SORCS1: variants seen among roughly 807,000 people sequenced by gnomAD.
SORCS1 encodes sortilin related VPS10 domain containing receptor 1.
In SORCS1, 60 loss-of-function variants were observed where a neutral mutation model predicts 146.1. The observed-to-expected ratio is 0.41, with a 90% CI of 0.33 to 0.51. The LOEUF is 0.51. Among genes scored for constraint, SORCS1 ranks in the 20% least tolerant of loss-of-function variants. The pLI is 0.21. For synonymous variants in SORCS1, 637 were observed against 584.0 expected (o/e 1.09, Z -1.31); for missense variants, 1,352 against 1,487.6 (o/e 0.91, Z 1.50).
intron 9 of SORCS1, among the ~76,000 whole-genome samples, chr10:106,689,524 A>G (rs1247077832): frequency 1.3e-5 from 2 of 152,184 alleles, no homozygotes; most frequent in South Asian, 2.1e-4. Flanking sequence ...TAGCAAGCCT[A>G]TTTGAACCTA....
intron 18 of SORCS1, among the ~76,000 whole-genome samples, chr10:106,638,642 G>A (rs889990220): frequency 1.3e-5 from 2 of 152,008 alleles, no homozygotes; most frequent in African/African-American, 4.8e-5. Flanking sequence ...ATCACTTGGT[G>A]GTCTTCACCA....
At chr10:107,000,212 A>G (rs911337822) in intron 1 of SORCS1, among the ~76,000 whole-genome samples, 14 of 152,216 alleles carry the variant, frequency 9.2e-5, no homozygotes, top group African/African-American at 3.4e-4. Flanking sequence ...TCTGTGTGCA[A>G]TGCACACCCA....
At chr10:106,606,221 A>G (rs1846563673) in intron 23 of SORCS1, among the ~76,000 whole-genome samples, 1 of 149,644 alleles carries the variant, frequency 6.7e-6, no homozygotes, top group Non-Finnish European at 1.5e-5. Context: ...GGAAGAAAAA[A>G]GAAGACTAAA....
At position 106,791,916 on chromosome 10, in the gene SORCS1, T is replaced by C. The variant is rs117997305; in HGVS notation, c.727-15224A>G. Among the ~76,000 whole-genome samples, 510 of 152,302 alleles carry C rather than the reference T, an allele frequency of 3.3e-3. 2 individuals carry two copies. Among genetic ancestry groups the C allele is most frequent in the Middle Eastern group, 0.014 (4 of 294 alleles). On this transcript the variant is annotated intron_variant, in intron 3 of 25. Transcript: ENST00000263054. ...TAATGACAGTGAATTTTTTCATTCC[T>C]TTTTCCCTCCCTTTTATCCTTTTGT... is the stretch of plus-strand genomic sequence containing the variant.
upstream of SORCS1, among the ~76,000 whole-genome samples, chr10:107,164,835 G>C (rs1338095758): frequency 6.8e-6 from 1 of 147,214 alleles, no homozygotes; most frequent in Non-Finnish European, 1.5e-5. The surrounding 1 kb of genome is among the most constrained non-coding windows in gnomAD (Gnocchi z 6.8). Flanking sequence ...CCGGGACTCC[G>C]GGCGCCGCGT....
intron 5 of SORCS1, among the ~76,000 whole-genome samples, chr10:106,739,656 A>C (rs945745011): frequency 6.7e-6 from 1 of 150,214 alleles, no homozygotes; most frequent in Admixed American, 6.6e-5. Context: ...AAATACAAAA[A>C]AAATATATAT....
rs549602827 is a variant in SORCS1 at position 106,610,842 on chromosome 10, G to A, written c.3033+1069C>T. ...GCCTGTAATCCCAACACTTTGGGAG[G>A]CCGGGGCAGTTGAATCACTTGAGGT... On this transcript the variant is annotated intron_variant, in intron 22 of 25. Coordinates refer to ENST00000263054, the MANE Select transcript of SORCS1 (RefSeq NM_052918.5). Among the ~76,000 whole-genome samples the A allele has an allele frequency of 1.3e-4, 20 of 152,310 alleles. No individual in the cohort carries two copies. The East Asian group carries it at 3.7e-3, about 28-fold the overall frequency.
upstream of SORCS1, among the ~76,000 whole-genome samples, chr10:107,168,614 T>C (rs775918730): frequency 3.3e-5 from 5 of 151,254 alleles, no homozygotes; most frequent in Non-Finnish European, 7.4e-5. Flanking sequence ...AAATCAGATA[T>C]ATACTCTATG....
intron 17 of SORCS1, among the ~76,000 whole-genome samples, chr10:106,656,392 T>C (rs1850289374): frequency 6.6e-6 from 1 of 151,954 alleles, no homozygotes; most frequent in Non-Finnish European, 1.5e-5. Context: ...CTACTAAAAA[T>C]ACAAAAAAAT....
intron 2 of SORCS1, among the ~76,000 whole-genome samples, chr10:106,911,922 C>T (rs1032031945): frequency 1.3e-5 from 2 of 151,976 alleles, no homozygotes; most frequent in African/African-American, 4.8e-5. Context: ...ACCATCCTGG[C>T]TAACATGGAG....
intron 2 of SORCS1, among the ~76,000 whole-genome samples, chr10:106,928,248 C>T (rs1589726040): frequency 6.6e-6 from 1 of 152,206 alleles, no homozygotes; most frequent in South Asian, 2.1e-4. Context: ...AGCCCTGCCC[C>T]GCGAGGAGGC....
intron 2 of SORCS1, among the ~76,000 whole-genome samples, chr10:106,857,769 C>A (rs1949846569): frequency 6.6e-6 from 1 of 152,134 alleles, no homozygotes; most frequent in South Asian, 2.1e-4. Context: ...TTATAACAAA[C>A]CCCTGCACAT....
chr10:106,828,890 C>T (rs1325998781), intron 3 of SORCS1, among the ~76,000 whole-genome samples: 1 of 152,114 alleles, frequency 6.6e-6, no homozygotes, highest in Non-Finnish European at 1.5e-5. Flanking sequence ...AACCAAGACG[C>T]CTTAACTCTA....
chr10:106,835,204 C>A (rs1226150977), intron 2 of SORCS1, among the ~76,000 whole-genome samples: 1 of 152,166 alleles, frequency 6.6e-6, no homozygotes, highest in Non-Finnish European at 1.5e-5. Context: ...TAGGATACAG[C>A]TAGTTTCCAT....
chr10:107,028,309 T>G (rs548680959), intron 1 of SORCS1, among the ~76,000 whole-genome samples: 11 of 152,216 alleles, frequency 7.2e-5, no homozygotes, highest in Non-Finnish European at 7.3e-5. Context: ...CTTTTCCTCT[T>G]GTGAAATGGG....
intron 2 of SORCS1, among the ~76,000 whole-genome samples, chr10:106,889,630 T>A (rs1484465243): frequency 1.3e-5 from 2 of 152,150 alleles, no homozygotes; most frequent in South Asian, 2.1e-4. Context: ...CCGGGCACAG[T>A]GGCTCACACC....
intron 1 of SORCS1, among the ~76,000 whole-genome samples, chr10:107,076,472 C>T (rs193037729): frequency 6.6e-6 from 1 of 152,096 alleles, no homozygotes; most frequent in Non-Finnish European, 1.5e-5. Flanking sequence ...CCAGCGAGCA[C>T]AAAACAGTAA....
intron 2 of SORCS1, among the ~76,000 whole-genome samples, chr10:106,884,015 T>G (rs7092246): frequency 2.6e-5 from 4 of 151,972 alleles, no homozygotes; most frequent in Non-Finnish European, 4.4e-5. Context: ...TTCTCAAGCC[T>G]TAATATATAT....
At chr10:107,181,114 T>C in the SORCS1 span, among the ~76,000 whole-genome samples, 27 of 152,292 alleles carry the variant, frequency 1.8e-4, no homozygotes, top group Admixed American at 7.8e-4. Flanking sequence ...TCAGTGAGTG[T>C]GTGATGAGTG....
Sources: allele counts gnomAD v4.1 joint callset (sites outside exome capture counted in the v4.1 genomes callset), GRCh38; gene constraint gnomAD v4.1.1; non-coding constraint Gnocchi (gnomAD v3.1); transcripts MANE v1.5; gene names NCBI Gene and HGNC (gene_info 2026-07-23, HGNC 2026-07-21).